PUDP: variants seen among roughly 807,000 people sequenced by gnomAD.
PUDP encodes pseudouridine 5'-phosphatase.
Under a neutral mutation model 9.4 loss-of-function variants are expected in PUDP, and 8 were observed. The ratio of observed to expected loss-of-function variants is 0.85; its 90% CI spans 0.50 to 1.53. The LOEUF is 1.53. Ranked by LOEUF, PUDP falls within the 40% of genes most tolerant of loss-of-function variation. PUDP has a pLI of 0.00. For synonymous variants in PUDP, 99 were observed against 80.7 expected, an observed-to-expected ratio of 1.23 and a Z score of -1.22; for missense variants, 188 against 189.7, an observed-to-expected ratio of 0.99 and a Z score of 0.05.
intron 3 of PUDP, among the ~76,000 whole-genome samples, chrX:6,900,429 A>G (rs1927662144): frequency 9.3e-6 from 1 of 108,013 alleles, no homozygotes; most frequent in South Asian, 4.4e-4. Flanking sequence ...CTAAAACATG[A>G]TGTGTCTCCA....
intron 3 of PUDP, among the ~76,000 whole-genome samples, chrX:6,848,046 T>C (rs1339952557): frequency 1.8e-5 from 2 of 112,261 alleles, no homozygotes; most frequent in African/African-American, 6.5e-5. Flanking sequence ...ATCCCGTGCA[T>C]GTGCTTTCTA....
At chrX:6,777,153 G>C (rs190070890) in intron 3 of PUDP, among the ~76,000 whole-genome samples, 1 of 112,195 alleles carries the variant, frequency 8.9e-6, no homozygotes, top group African/African-American at 3.2e-5. Context: ...AGGAGAAATA[G>C]ATGCTATATA....
At chrX:7,077,772 C>T (rs1930961713) in intron 2 of PUDP, among the ~76,000 whole-genome samples, 2 of 112,712 alleles carry the variant, frequency 1.8e-5, no homozygotes, top group African/African-American at 6.4e-5. Flanking sequence ...AGAGAGCAGG[C>T]CCAGGAGGTG....
chrX:6,749,284 C>G (rs1255473802), intron 3 of PUDP, among the ~76,000 whole-genome samples: 1 of 111,604 alleles, frequency 9.0e-6, no homozygotes, highest in Non-Finnish European at 1.9e-5. Context: ...GTGCACAACA[C>G]CAGTTAATTT....
intron 1 of PUDP, among the ~76,000 whole-genome samples, chrX:7,016,219 G>C (rs1397939238): frequency 9.0e-6 from 1 of 110,650 alleles, no homozygotes; most frequent in East Asian, 2.9e-4. Context: ...TGCAGTCCTA[G>C]CTACTTGAGA....
At chrX:7,013,425 T>C (rs1282102906) in intron 1 of PUDP, among the ~76,000 whole-genome samples, 5 of 112,399 alleles carry the variant, frequency 4.4e-5, no homozygotes, top group African/African-American at 1.3e-4. Context: ...AAGCATAGGT[T>C]GGTTTTCCAT....
chrX:7,145,359 T>C lies in PUDP; in HGVS notation c.61+2694A>G, dbSNP rs871283. ...CAAACTGTCTTCTCTTTTAAAGAAA[T>C]TGGGACCATCTTTTGTGTTCCTAAT... On this transcript the variant is annotated intron_variant, in intron 1 of 3. Coordinates refer to ENST00000381077, the MANE Select transcript of PUDP (RefSeq NM_012080.5). Among the ~76,000 whole-genome samples, 346 of 111,697 alleles carry C rather than the reference T, an allele frequency of 3.1e-3. 4 individuals carry two copies. Among genetic ancestry groups the C allele is most frequent in the Admixed American group, 0.029 (307 of 10,462 alleles).
intron 1 of PUDP, among the ~76,000 whole-genome samples, chrX:6,979,929 C>A (rs1235021174): frequency 1.8e-5 from 2 of 110,242 alleles, no homozygotes; most frequent in African/African-American, 6.6e-5. Context: ...CTTTTAAAAA[C>A]CATATTTTTT....
At chrX:7,103,733 A>C (rs1349896487) in intron 2 of PUDP, among the ~76,000 whole-genome samples, 1 of 112,521 alleles carries the variant, frequency 8.9e-6, no homozygotes, top group African/African-American at 3.2e-5. Context: ...AAAAATAAGC[A>C]AAGGATGTGC....
chrX:6,899,040 G>A (rs1339929210), intron 3 of PUDP, among the ~76,000 whole-genome samples: 3 of 112,104 alleles, frequency 2.7e-5, no homozygotes, highest in Non-Finnish European at 5.6e-5. Flanking sequence ...CTTGTTCTGT[G>A]TAGCCTGTCT....
intron 3 of PUDP, among the ~76,000 whole-genome samples, chrX:6,959,865 T>C (rs749180140): frequency 3.5e-5 from 4 of 112,767 alleles, no homozygotes; most frequent in Non-Finnish European, 5.6e-5. Flanking sequence ...GATTTGATGT[T>C]GTTCACCCTG....
intron 3 of PUDP, among the ~76,000 whole-genome samples, chrX:6,892,699 A>AGGGCCTAT (rs1927533386): frequency 9.0e-6 from 1 of 111,528 alleles, no homozygotes. Flanking sequence ...ATTTGGAGAT[A>AGGGCCTAT]GGGCCTATGA....
intron 3 of PUDP, among the ~76,000 whole-genome samples, chrX:6,890,760 T>A (rs1927500384): frequency 9.3e-6 from 1 of 107,571 alleles, no homozygotes; most frequent in South Asian, 4.2e-4. Flanking sequence ...GGCTGTGGAG[T>A]CCACGTGAAT....
chrX:7,118,072 A>T (rs967694087), intron 1 of PUDP, among the ~76,000 whole-genome samples: 2 of 113,220 alleles, frequency 1.8e-5, no homozygotes, highest in Non-Finnish European at 3.7e-5. Context: ...AATATGTCCT[A>T]ATACAATCAG....
At chrX:6,835,472 A>C (rs1375745021) in intron 3 of PUDP, among the ~76,000 whole-genome samples, 2 of 111,898 alleles carry the variant, frequency 1.8e-5, no homozygotes, top group Non-Finnish European at 3.8e-5. Context: ...TAATGTCACA[A>C]CAGAAATCTA....
chrX:6,808,446 G>A (rs913160265), intron 3 of PUDP, among the ~76,000 whole-genome samples: 1 of 111,796 alleles, frequency 8.9e-6, no homozygotes, highest in African/African-American at 3.3e-5. Flanking sequence ...TTTATTCTGT[G>A]GTTATGATGT....
At chrX:6,938,782 CTTTCTTTTT>C (rs1928352348) in intron 3 of PUDP, among the ~76,000 whole-genome samples, 1 of 90,221 alleles carries the variant, frequency 1.1e-5, no homozygotes, top group Non-Finnish European at 2.2e-5. Flanking sequence ...TCTTTTCTTT[CTTTCTTTTT>C]TTTTTTTTTT....
intron 3 of PUDP, among the ~76,000 whole-genome samples, chrX:6,757,488 T>C: frequency 9.0e-6 from 1 of 111,168 alleles, no homozygotes; most frequent in East Asian, 2.8e-4. Flanking sequence ...CATCAGGAAC[T>C]AGATATATTG....
At chrX:6,824,228 G>A (rs1736161563) in intron 3 of PUDP, among the ~76,000 whole-genome samples, 1 of 111,319 alleles carries the variant, frequency 9.0e-6, no homozygotes, top group South Asian at 3.9e-4. Flanking sequence ...CCTTTTGCTC[G>A]ACACTTCTCC....
Sources: gnomAD v4.1 joint callset for allele counts (sites outside exome capture counted in the v4.1 genomes callset) on GRCh38, gnomAD v4.1.1 for gene constraint, MANE v1.5 for transcripts, NCBI Gene and HGNC (gene_info 2026-07-23, HGNC 2026-07-21) for gene names.